TMEM94: variants seen among roughly 807,000 people sequenced by gnomAD.
The protein encoded by TMEM94 is transmembrane protein 94.
A neutral mutation model predicts 158.6 loss-of-function variants in TMEM94; 81 were observed. The ratio of observed to expected loss-of-function variants is 0.51; its 90% CI spans 0.43 to 0.61. TMEM94 has a LOEUF of 0.61. Ranked by LOEUF, TMEM94 falls within the 20% of genes least tolerant of loss-of-function variation. The pLI, the probability that TMEM94 is intolerant of heterozygous loss-of-function variation, is 0.00. For missense variants in TMEM94, 1,435 were observed against 1,762.0 expected, an observed-to-expected ratio of 0.81 and a Z score of 3.32; for synonymous variants, 751 against 730.7, an observed-to-expected ratio of 1.03 and a Z score of -0.45.
chr17:75,462,900 T>C (rs1320555528), intron 1 of TMEM94, among the ~76,000 whole-genome samples: 19 of 144,866 alleles, frequency 1.3e-4, no homozygotes, highest in Admixed American at 1.2e-3. Context: ...AGTGGAAAGA[T>C]TGTTTGAGCC....
In TMEM94 at chr17:75,491,734, C is replaced by G; in HGVS notation, c.1430C>G (p.Thr477Ser). 6.2e-7 allele frequency: 1 copy of G among 1,614,108 alleles called. No individual in the cohort carries two copies. The highest frequency in any genetic ancestry group is 8.5e-7 in the Non-Finnish European group (1 of 1,180,038). ...DALLAGSLNNTLHLSNEQERG... is the reference protein window; with the variant it reads ...DALLAGSLNNSLHLSNEQERG... ...CTCCTGGCTGGCTCCCTGAACAACA[C>G]CCTGCACCTTTCCAATGAGCAGGAG... The change falls in exon 14 of 32, where the codon ACC (threonine) becomes AGC (serine). Residue 477 changes from threonine to serine, a missense_variant. Physicochemically the swap from Thr to Ser is moderately conservative, Grantham distance 58. Transcript: ENST00000314256. This position sits in a 1 kb window ranked among gnomAD's most constrained non-coding sequence, Gnocchi z 5.1.
rs910756739 is a variant in TMEM94 at position 75,495,822 on chromosome 17, A to G, written c.2945-144A>G. 13 of 795,626 alleles carry G rather than the reference A, an allele frequency of 1.6e-5. No individual in the cohort carries two copies. The highest frequency in any genetic ancestry group is 3.4e-5 in the African/African-American group (2 of 58,144). The allele number at this position is 795,626 out of a possible 1,614,324, so 49.3% of individuals were successfully genotyped here. A position where few individuals can be genotyped will look rare whatever the true frequency, so the allele number is the denominator to read the frequency against. On this transcript the variant is annotated intron_variant, in intron 22 of 31. Transcript: ENST00000314256. This position sits in a 1 kb window ranked among gnomAD's most constrained non-coding sequence, Gnocchi z 5.6. Reference sequence around the variant, plus strand: ...TGGAGTCAGAAGTGCCGATGTTCACATGATCCCGCTGCCGGGGGTGGGATT... The same window carrying G: ...TGGAGTCAGAAGTGCCGATGTTCACGTGATCCCGCTGCCGGGGGTGGGATT...
In TMEM94 at chr17:75,485,530, A is replaced by T. The variant is rs370643070; in HGVS notation, c.127A>T (p.Lys43Ter). 6.2e-7 allele frequency: 1 copy of T among 1,614,030 alleles called. No homozygotes were observed. Among genetic ancestry groups the T allele is most frequent in the African/African-American group, 1.3e-5 (1 of 74,920 alleles). The change falls in exon 3 of 32, where the codon AAG becomes TAG. Residue 43 changes from lysine to a stop codon, truncating the protein, a stop_gained. Coordinates refer to ENST00000314256, the MANE Select transcript of TMEM94 (RefSeq NM_014738.6). LOFTEE classifies it high-confidence loss of function. The surrounding 1 kb of genome is among the most constrained non-coding windows in gnomAD (Gnocchi z 5.5). Reference protein sequence around the residue: ...VLEGHLRERKKCLTWKEVWRS... With the variant: ...VLEGHLRERK ...GGAAGGACATCTCAGGGAGCGGAAG[A>T]AGTGTCTGACGTGGAAGGTGAAGCT...
At chr17:75,488,635 A>G (rs1002011299) in intron 6 of TMEM94, 124 bp from the exon 7 acceptor site, 1 of 1,129,138 alleles carries the variant, frequency 8.9e-7, no homozygotes, top group African/African-American at 1.5e-5. Context: ...GCCCTGTCCC[A>G]GTGGACTCTG....
Position 75,494,958 on chromosome 17 carries a change from T to A in TMEM94, c.2652T>A (p.Asn884Lys), listed in dbSNP as rs1335532718. The A allele has an allele frequency of 6.2e-7, 1 of 1,612,880 alleles. No homozygotes were observed. Among genetic ancestry groups the A allele is most frequent in the African/African-American group, 1.3e-5 (1 of 74,828 alleles). ...ACTGCCACATCTCCCTCACACCCAATGGTGACATGCCTGGCTCCGAGATCC... is the reference window on the plus strand; with the variant it reads ...ACTGCCACATCTCCCTCACACCCAAAGGTGACATGCCTGGCTCCGAGATCC... Reference protein sequence around the residue: ...GWNCHISLTPNGDMPGSEIPP... With the variant: ...GWNCHISLTPKGDMPGSEIPP... The change falls in exon 20 of 32, where the codon AAT (asparagine) becomes AAA (lysine). Residue 884 changes from asparagine to lysine, a missense_variant. Asn to Lys is a moderately conservative substitution (Grantham distance 94). Around this residue, in one of 3 missense-constraint regions of TMEM94, gnomAD observed 1,051 missense variants for 1,254.4 expected, o/e 0.84. Coordinates refer to ENST00000314256, the MANE Select transcript of TMEM94 (RefSeq NM_014738.6).
intron 24 of TMEM94, 85 bp downstream of exon 24, chr17:75,496,556 C>T: frequency 1.3e-6 from 2 of 1,492,732 alleles, no homozygotes; most frequent in East Asian, 4.6e-5. Flanking sequence ...CTGTTTGAAC[C>T]CGGGGACCTC....
Position 75,495,659 on chromosome 17 carries a change from A to G in TMEM94, c.2944+16A>G, listed in dbSNP as rs527660351. On this transcript the variant is annotated intron_variant, in intron 22 of 31. Coordinates refer to ENST00000314256, the MANE Select transcript of TMEM94 (RefSeq NM_014738.6). The surrounding 1 kb of genome is among the most constrained non-coding windows in gnomAD (Gnocchi z 5.6). ...ACCCCAGAGAGTGAGTGCTGTGGCCATGGGTACTTGGGCAACCTGGTCCCG... is the reference window on the plus strand; with the variant it reads ...ACCCCAGAGAGTGAGTGCTGTGGCCGTGGGTACTTGGGCAACCTGGTCCCG... The G allele has an allele frequency of 4.9e-5, 79 of 1,611,924 alleles. No homozygotes were observed. The African/African-American group carries it at 1.0e-3, about 20-fold the overall frequency.
At chr17:75,460,606 T>G (rs935136889) in intron 1 of TMEM94, among the ~76,000 whole-genome samples, 1 of 65,998 alleles carries the variant, frequency 1.5e-5, no homozygotes, top group Non-Finnish European at 3.0e-5. Flanking sequence ...CTTGATCTTC[T>G]GGGCTCAGGT....
rs374094463 is a variant in TMEM94, at chr17:75,489,335, G to C, written c.834G>C (p.Ser278=). ...ACAATGAGCGGTTCACAGTGCAGTC[G>C]GTGATGCTACACTATGCTGTGCCCG... ...ALDNERFTVQ[S]VMLHYAVPVV... The change falls in exon 8 of 32, where the codon TCG becomes TCC. Residue 278 remains serine, a synonymous_variant. Coordinates refer to ENST00000314256, the MANE Select transcript of TMEM94 (RefSeq NM_014738.6). The surrounding 1 kb of genome is among the most constrained non-coding windows in gnomAD (Gnocchi z 5.0). 8 of 1,614,064 alleles carry C rather than the reference G, an allele frequency of 5.0e-6. No individual in the cohort carries two copies. In the Admixed American group the frequency reaches 1.0e-4, roughly 20 times the overall value.
At chr17:75,461,680 T>C (rs1245703840) in intron 1 of TMEM94, among the ~76,000 whole-genome samples, 1 of 151,696 alleles carries the variant, frequency 6.6e-6, no homozygotes, top group East Asian at 2.0e-4. Flanking sequence ...TCCCAGCATT[T>C]TGGGAGGCCG....
rs533868508 is a variant in TMEM94, at chr17:75,467,812, G to A, written c.-106-3988G>A. Among the ~76,000 whole-genome samples the A allele has an allele frequency of 4.5e-4, 69 of 152,222 alleles. 1 individual carries two copies. Among genetic ancestry groups the A allele is most frequent in the African/African-American group, 1.6e-3 (66 of 41,548 alleles). On this transcript the variant is annotated intron_variant, in intron 1 of 31. Coordinates refer to ENST00000314256, the MANE Select transcript of TMEM94 (RefSeq NM_014738.6). Reference sequence around the variant, plus strand: ...CTCCCAAAGTGCTGGGATTACAGGCGTGAGCCACCGCGCCCGGCCCCATTT... The same window carrying A: ...CTCCCAAAGTGCTGGGATTACAGGCATGAGCCACCGCGCCCGGCCCCATTT...
chr17:75,493,645 C>T (rs772241080), intron 17 of TMEM94, 52 bp downstream of exon 17: 15 of 1,612,928 alleles, frequency 9.3e-6, no homozygotes, highest in Non-Finnish European at 1.2e-5. Context: ...TGCCGGGGCA[C>T]CTGCCCTTCA....
At chr17:75,469,258 C>A (rs2050412588) in intron 1 of TMEM94, among the ~76,000 whole-genome samples, 2 of 152,102 alleles carry the variant, frequency 1.3e-5, no homozygotes, top group African/African-American at 4.8e-5. Flanking sequence ...CAGTGGACAT[C>A]CACCCTGCTG....
intron 2 of TMEM94, among the ~76,000 whole-genome samples, chr17:75,474,015 T>C (rs947824225): frequency 1.3e-5 from 2 of 151,980 alleles, no homozygotes; most frequent in Admixed American, 1.3e-4. Flanking sequence ...CTTGGGAGGC[T>C]GAGGCAGGAG....
intron 2 of TMEM94, among the ~76,000 whole-genome samples, chr17:75,484,937 C>T (rs906777425): frequency 2.0e-5 from 3 of 151,624 alleles, no homozygotes; most frequent in Non-Finnish European, 2.9e-5. Context: ...ACTCGGGAGG[C>T]TGAGGCGGGA....
intron 10 of TMEM94, 125 bp from the exon 11 acceptor site, chr17:75,490,577 G>A (rs751004392): frequency 3.2e-5 from 30 of 947,440 alleles, no homozygotes; most frequent in South Asian, 9.3e-5. Context: ...GAGTCAGAAC[G>A]GCCTGGGCCC....
intron 24 of TMEM94, 59 bp from the exon 25 acceptor site, chr17:75,496,671 G>C: frequency 1.3e-6 from 2 of 1,547,666 alleles, no homozygotes; most frequent in Non-Finnish European, 8.9e-7. Flanking sequence ...TGTGTCAGCT[G>C]TTGGGCCTGG....
At chr17:75,493,406 T>G (rs2052390233) in intron 16 of TMEM94, 85 bp from the exon 17 acceptor site, 2 of 1,392,148 alleles carry the variant, frequency 1.4e-6, no homozygotes, top group African/African-American at 1.4e-5. Flanking sequence ...CTCAGCGCCC[T>G]TCTCCAGGAG....
At chr17:75,474,543 G>A (rs2050606259) in intron 2 of TMEM94, among the ~76,000 whole-genome samples, 1 of 151,890 alleles carries the variant, frequency 6.6e-6, no homozygotes, top group Non-Finnish European at 1.5e-5. Flanking sequence ...TGGGAGGCTG[G>A]GGCAGGAGAA....
Sources: allele counts gnomAD v4.1 joint callset (sites outside exome capture counted in the v4.1 genomes callset), GRCh38; gene constraint gnomAD v4.1.1; regional missense constraint gnomAD v4.1.1; non-coding constraint Gnocchi (gnomAD v3.1); transcripts MANE v1.5; gene names NCBI Gene and HGNC (gene_info 2026-07-23, HGNC 2026-07-21).